The following PDE11A variants were observed in gnomAD, a reference collection of about 807,000 sequenced individuals.
PDE11A encodes phosphodiesterase 11A.
A neutral mutation model predicts 100.5 loss-of-function variants in PDE11A; 100 were observed. That is an observed-to-expected ratio of 1.00 (90% CI 0.85 to 1.18). PDE11A has a LOEUF of 1.18. Among genes scored for constraint, PDE11A ranks in the 50% most tolerant of loss-of-function variants. PDE11A has a pLI of 0.00. For missense variants in PDE11A, 1,141 were observed against 1,152.6 expected (o/e 0.99, Z 0.15); for synonymous variants, 381 against 420.8 (o/e 0.91, Z 1.16).
chr2:178,027,138 G>A (rs756649162), intron 1 of PDE11A, among the ~76,000 whole-genome samples: 2 of 152,068 alleles, frequency 1.3e-5, no homozygotes, highest in Non-Finnish European at 2.9e-5. Flanking sequence ...TTGGCAAGAA[G>A]TAACAAAAGT....
intron 12 of PDE11A, among the ~76,000 whole-genome samples, chr2:177,724,900 C>T (rs979907726): frequency 6.6e-6 from 1 of 151,974 alleles, no homozygotes; most frequent in South Asian, 2.1e-4. Flanking sequence ...GCTTTCTTAG[C>T]CTTATGACAT....
chr2:177,802,275 T>C (rs2082805496), intron 9 of PDE11A, among the ~76,000 whole-genome samples: 1 of 152,206 alleles, frequency 6.6e-6, no homozygotes, highest in African/African-American at 2.4e-5. Context: ...TACAATGGTA[T>C]AGCCACTTTG....
At chr2:177,664,800 T>C (rs57474263) in intron 18 of PDE11A, among the ~76,000 whole-genome samples, 1 of 152,150 alleles carries the variant, frequency 6.6e-6, no homozygotes, top group South Asian at 2.1e-4. Flanking sequence ...AGTTATAACT[T>C]GCCCTCCCTT....
intron 3 of PDE11A, among the ~76,000 whole-genome samples, chr2:177,904,586 A>AC (rs1558999737): frequency 2.8e-5 from 4 of 140,970 alleles, no homozygotes; most frequent in African/African-American, 1.1e-4. Flanking sequence ...GATGGAGTCT[A>AC]GTCTGTCACC....
At chr2:177,679,931 G>A (rs2080836002) in intron 16 of PDE11A, among the ~76,000 whole-genome samples, 1 of 152,098 alleles carries the variant, frequency 6.6e-6, no homozygotes, top group African/African-American at 2.4e-5. Flanking sequence ...ATAATACAGA[G>A]GAATATTAAA....
intron 1 of PDE11A, among the ~76,000 whole-genome samples, chr2:178,034,553 C>T (rs1316390745): frequency 6.6e-6 from 1 of 152,174 alleles, no homozygotes; most frequent in Non-Finnish European, 1.5e-5. Context: ...ACTCTCCACC[C>T]CAAATCAACA....
At chr2:177,877,906 C>A (rs548236752) in intron 4 of PDE11A, among the ~76,000 whole-genome samples, 2 of 152,270 alleles carry the variant, frequency 1.3e-5, no homozygotes, top group South Asian at 4.1e-4. Flanking sequence ...CTTAGCCGTA[C>A]GCAGTCATGC....
intron 5 of PDE11A, among the ~76,000 whole-genome samples, chr2:177,841,779 G>A (rs1278628028): frequency 6.6e-6 from 1 of 152,120 alleles, no homozygotes; most frequent in Non-Finnish European, 1.5e-5. Context: ...AAAAATGGAA[G>A]TTTTAATAAA....
intron 1 of PDE11A, among the ~76,000 whole-genome samples, chr2:178,037,612 G>C (rs1399509710): frequency 6.6e-6 from 1 of 152,102 alleles, no homozygotes; most frequent in East Asian, 1.9e-4. Flanking sequence ...CAAAGACATG[G>C]AACCAACCCA....
At chr2:177,819,993 G>C (rs7567851) in intron 7 of PDE11A, among the ~76,000 whole-genome samples, 16,965 of 150,514 alleles carry the variant, frequency 0.11, 1,107 homozygotes, top group African/African-American at 0.19. Context: ...GATTCTCTAC[G>C]ACTTTAAAAT....
At chr2:177,632,463 T>C (rs1365609328) in intron 19 of PDE11A, among the ~76,000 whole-genome samples, 1 of 152,194 alleles carries the variant, frequency 6.6e-6, no homozygotes, top group Non-Finnish European at 1.5e-5. Context: ...ACCCATCATC[T>C]TGCATATGTA....
chr2:177,680,263 G>A (rs1369285695), intron 16 of PDE11A, among the ~76,000 whole-genome samples: 1 of 152,068 alleles, frequency 6.6e-6, no homozygotes, highest in African/African-American at 2.4e-5. Flanking sequence ...GAGAGAAAGA[G>A]GAATAGTGCC....
intron 2 of PDE11A, among the ~76,000 whole-genome samples, chr2:177,999,112 C>A (rs993475216): frequency 6.6e-6 from 1 of 152,142 alleles, no homozygotes; most frequent in Admixed American, 6.6e-5. Flanking sequence ...AAGTGTTAAG[C>A]CGAGACTTAA....
chr2:177,737,111 A>G (rs28700947), intron 10 of PDE11A, among the ~76,000 whole-genome samples: 76,880 of 151,562 alleles, frequency 0.51, 23,016 homozygotes, highest in East Asian at 0.85. Flanking sequence ...ATGATGGCAC[A>G]TGCCTGTAAT....
intron 9 of PDE11A, among the ~76,000 whole-genome samples, chr2:177,801,504 A>G (rs907028238): frequency 6.6e-6 from 1 of 152,178 alleles, no homozygotes; most frequent in African/African-American, 2.4e-5. Flanking sequence ...AAATTATAAT[A>G]GCAGAATTTA....
intron 19 of PDE11A, among the ~76,000 whole-genome samples, chr2:177,640,016 A>T (rs1459713906): frequency 6.6e-6 from 1 of 152,254 alleles, no homozygotes; most frequent in Admixed American, 6.5e-5. Context: ...TTATTAAGAA[A>T]AAAAAGGACA....
chr2:177,845,832 C>T (rs562230923), intron 5 of PDE11A, among the ~76,000 whole-genome samples: 3,054 of 152,324 alleles, frequency 0.02, 42 homozygotes, highest in Non-Finnish European at 0.033. Context: ...GGCTGGAGAC[C>T]GGCCTGGCCA....
chr2:178,107,297 TAAG>T (rs756127800), intron 1 of PDE11A, among the ~76,000 whole-genome samples: 9 of 151,762 alleles, frequency 5.9e-5, no homozygotes, highest in Non-Finnish European at 8.8e-5. Flanking sequence ...TAGAATATCT[TAAG>T]AAGGACAGGA....
intron 2 of PDE11A, among the ~76,000 whole-genome samples, chr2:178,004,116 AAAAT>A (rs2086176746): frequency 6.6e-6 from 1 of 152,176 alleles, no homozygotes; most frequent in South Asian, 2.1e-4. Flanking sequence ...TTTGTAGGTA[AAAAT>A]AAATAAATAT....
Sources: gnomAD v4.1 joint callset for allele counts (sites outside exome capture counted in the v4.1 genomes callset) on GRCh38, gnomAD v4.1.1 for gene constraint, MANE v1.5 for transcripts, NCBI Gene and HGNC (gene_info 2026-07-23, HGNC 2026-07-21) for gene names.